The following MND1 variants were observed in gnomAD, a reference collection of about 807,000 sequenced individuals.
The protein encoded by MND1 is meiotic nuclear division protein 1 homolog.
In MND1, 28 loss-of-function variants were observed where a neutral mutation model predicts 35.1. That is an observed-to-expected ratio of 0.80 (90% CI 0.59 to 1.09). The LOEUF is 1.09. MND1 is among the 50% of genes least tolerant of loss of function. MND1 has a pLI of 0.00. For synonymous variants in MND1, 69 were observed against 70.5 expected (o/e 0.98, Z 0.11); for missense variants, 213 against 239.6 (o/e 0.89, Z 0.73).
At chr4:153,376,778 T>G (rs1376867180) in intron 4 of MND1, among the ~76,000 whole-genome samples, 1 of 152,210 alleles carries the variant, frequency 6.6e-6, no homozygotes, top group East Asian at 1.9e-4. Context: ...GGTGCTGTGG[T>G]ACCCCGAGCA....
At chr4:153,413,648 C>G (rs1561083855) in intron 7 of MND1, among the ~76,000 whole-genome samples, 1 of 151,246 alleles carries the variant, frequency 6.6e-6, no homozygotes, top group Non-Finnish European at 1.5e-5. Context: ...ACTCACTGCC[C>G]TCCAGCCTGG....
chr4:153,390,061 A>G (rs942039921), intron 4 of MND1, among the ~76,000 whole-genome samples: 2 of 150,804 alleles, frequency 1.3e-5, no homozygotes, highest in Admixed American at 6.6e-5. Flanking sequence ...CTAAAGTTTG[A>G]TAACTACTGG....
intron 6 of MND1, among the ~76,000 whole-genome samples, chr4:153,407,627 A>G (rs76408290): frequency 2.2e-4 from 34 of 152,310 alleles, no homozygotes; most frequent in Non-Finnish European, 3.2e-4. Context: ...AATTATTCGT[A>G]TTAGCAGAAA....
intron 6 of MND1, 57 bp from the exon 7 acceptor site, chr4:153,408,914 A>ATG (rs1729596409): frequency 9.0e-6 from 2 of 223,256 alleles, no homozygotes; most frequent in African/African-American, 1.0e-4. Context: ...TTTTGTGTGT[A>ATG]TATATATATA....
chr4:153,363,276 A>G (rs1049701472), intron 4 of MND1, among the ~76,000 whole-genome samples: 2 of 151,874 alleles, frequency 1.3e-5, no homozygotes, highest in African/African-American at 4.8e-5. Context: ...CAGAGGCACA[A>G]ACTCAGTTCA....
intron 6 of MND1, among the ~76,000 whole-genome samples, chr4:153,402,249 T>C (rs1017045265): frequency 3.3e-5 from 5 of 152,224 alleles, no homozygotes; most frequent in African/African-American, 1.2e-4. Context: ...TTCTGACCAT[T>C]ATTCAAATGT....
chr4:153,361,031 G>C (rs1161314566), intron 4 of MND1, among the ~76,000 whole-genome samples: 1 of 152,118 alleles, frequency 6.6e-6, no homozygotes, highest in African/African-American at 2.4e-5. Context: ...TAGAGACAGG[G>C]TATTGCCATG....
At chr4:153,359,588 T>C (rs1773429449) in intron 4 of MND1, among the ~76,000 whole-genome samples, 1 of 152,296 alleles carries the variant, frequency 6.6e-6, no homozygotes, top group Admixed American at 6.5e-5. Context: ...TTATGTTTAC[T>C]TTCTAGGAAA....
At chr4:153,373,319 A>G (rs183797762) in intron 4 of MND1, among the ~76,000 whole-genome samples, 1 of 152,252 alleles carries the variant, frequency 6.6e-6, no homozygotes, top group East Asian at 1.9e-4. Flanking sequence ...TTCTTACCAG[A>G]CAATCATTTC....
chr4:153,361,043 TG>T (rs1234556497), intron 4 of MND1, among the ~76,000 whole-genome samples: 1 of 152,218 alleles, frequency 6.6e-6, no homozygotes, highest in African/African-American at 2.4e-5. Flanking sequence ...ATTGCCATGT[TG>T]CCCAGGCTGG....
chr4:153,405,400 G>A (rs899282251), intron 6 of MND1, among the ~76,000 whole-genome samples: 3 of 151,974 alleles, frequency 2.0e-5, no homozygotes, highest in South Asian at 2.1e-4. Context: ...TTAGCCAGGC[G>A]TGGTGGGTGC....
intron 4 of MND1, among the ~76,000 whole-genome samples, chr4:153,367,772 C>T (rs1435304819): frequency 1.3e-5 from 2 of 152,138 alleles, no homozygotes; most frequent in Non-Finnish European, 2.9e-5. Context: ...AGACTGTTTG[C>T]CAGAGCAACT....
At chr4:153,407,418 G>A (rs531918356) in intron 6 of MND1, among the ~76,000 whole-genome samples, 69 of 152,118 alleles carry the variant, frequency 4.5e-4, no homozygotes, top group Middle Eastern at 3.4e-3. Flanking sequence ...AGCCAAGACC[G>A]CGCTATTGCA....
chr4:153,349,824 T>C (rs1773166459), intron 1 of MND1, among the ~76,000 whole-genome samples: 1 of 152,244 alleles, frequency 6.6e-6, no homozygotes, highest in African/African-American at 2.4e-5. Context: ...TGGTTTACTT[T>C]ATAAATGCTG....
chr4:153,380,367 C>T (rs1047270406), intron 4 of MND1, among the ~76,000 whole-genome samples: 4 of 152,092 alleles, frequency 2.6e-5, no homozygotes, highest in African/African-American at 9.7e-5. Context: ...CTACTGTGTC[C>T]TACCATGACA....
At chr4:153,372,295 G>C (rs540066142) in intron 4 of MND1, among the ~76,000 whole-genome samples, 1 of 152,056 alleles carries the variant, frequency 6.6e-6, no homozygotes, top group Non-Finnish European at 1.5e-5. Flanking sequence ...GCTATCTGAA[G>C]TGCAGTAAAG....
chr4:153,353,844 C>T (rs1370537580), intron 2 of MND1, among the ~76,000 whole-genome samples: 2 of 152,074 alleles, frequency 1.3e-5, no homozygotes, highest in Non-Finnish European at 2.9e-5. Flanking sequence ...CTCAGTCTCT[C>T]GAGTAGCTGG....
intron 7 of MND1, among the ~76,000 whole-genome samples, chr4:153,411,935 T>C (rs1002779415): frequency 1.3e-5 from 2 of 152,220 alleles, no homozygotes; most frequent in African/African-American, 2.4e-5. Context: ...GTGCACCTGA[T>C]ACTTGTCTTA....
chr4:153,404,477 A>G (rs565775445), intron 6 of MND1, among the ~76,000 whole-genome samples: 1 of 141,504 alleles, frequency 7.1e-6, no homozygotes, highest in African/African-American at 2.7e-5. Context: ...GGTGTGAGCC[A>G]CTGTGCACGG....
Sources: gnomAD v4.1 joint callset for allele counts (sites outside exome capture counted in the v4.1 genomes callset) on GRCh38, gnomAD v4.1.1 for gene constraint, MANE v1.5 for transcripts, NCBI Gene and HGNC (gene_info 2026-07-23, HGNC 2026-07-21) for gene names.